The following NDUFB2 variants were observed in gnomAD, a reference collection of about 807,000 sequenced individuals.
NDUFB2 encodes the protein NADH:ubiquinone oxidoreductase subunit B2.
Under a neutral mutation model 13.4 loss-of-function variants are expected in NDUFB2, and 13 were observed. That is an observed-to-expected ratio of 0.97 (90% CI 0.63 to 1.54). The LOEUF is 1.54. Ranked by LOEUF, NDUFB2 falls within the 40% of genes most tolerant of loss-of-function variation. The probability of loss-of-function intolerance (pLI) is 0.00; values close to 1 mark genes in which losing one functional copy is unlikely to be tolerated. For missense variants in NDUFB2, 150 were observed against 139.7 expected (o/e 1.07, Z -0.37); for synonymous variants, 47 against 50.6 (o/e 0.93, Z 0.30).
At chr7:140,703,120 T>C in intron 2 of NDUFB2, 110 bp downstream of exon 2, 20 of 1,336,918 alleles carry the variant, frequency 1.5e-5, no homozygotes, top group Non-Finnish European at 2.1e-5. Context: ...GACATCGCCC[T>C]TTGCCACCAC....
chr7:140,701,660 A>G (rs2968549), intron 1 of NDUFB2, among the ~76,000 whole-genome samples: 45,733 of 152,026 alleles, frequency 0.3, 10,771 homozygotes, highest in African/African-American at 0.66. Context: ...ACAGCCGGGC[A>G]CGTGGCTCAC....
At chr7:140,699,701 T>G (rs950718146) in intron 1 of NDUFB2, among the ~76,000 whole-genome samples, 3 of 151,786 alleles carry the variant, frequency 2.0e-5, no homozygotes, top group Non-Finnish European at 4.4e-5. Context: ...GAAGGCAGCT[T>G]CAGTGATTGA....
Position 140,702,955 on chromosome 7 carries a change from G to A in NDUFB2, c.188G>A (p.Gly63Glu). 1 of 1,614,074 alleles carries A rather than the reference G, an allele frequency of 6.2e-7. No individual in the cohort carries two copies. The highest frequency in any genetic ancestry group is 8.5e-7 in the Non-Finnish European group (1 of 1,180,032). Residue 63 changes from glycine to glutamate, a missense_variant, in exon 2 of 4, where the codon GGA becomes GAA. Transcript: ENST00000247866. ...SQVFQSEFFS[G>E]LMWFWILWRF... ...GTGTTCCAGAGCGAGTTCTTCAGCGGACTCATGTGGTTCTGGATTCTCTGG... is the reference window on the plus strand; with the variant it reads ...GTGTTCCAGAGCGAGTTCTTCAGCGAACTCATGTGGTTCTGGATTCTCTGG...
At chr7:140,702,163 T>A (rs1001279069) in intron 1 of NDUFB2, 1 of 641,108 alleles carries the variant, frequency 1.6e-6, no homozygotes, top group African/African-American at 1.8e-5. Flanking sequence ...AAATTTTTTA[T>A]CCACTTCTGT....
At position 140,702,883 on chromosome 7, in the gene NDUFB2, A is replaced by G; in HGVS notation, c.116A>G (p.His39Arg). 1 of 1,614,114 alleles carries G rather than the reference A, an allele frequency of 6.2e-7. No individual in the cohort carries two copies. The highest frequency in any genetic ancestry group is 8.5e-7 in the Non-Finnish European group (1 of 1,180,030). Residue 39 changes from histidine to arginine, a missense_variant, in exon 2 of 4, where the codon CAC becomes CGC. Coordinates refer to ENST00000247866, the MANE Select transcript of NDUFB2 (RefSeq NM_004546.3). ...GGVRHAGGGVHIEPRYRQFPQ... is the reference protein window; with the variant it reads ...GGVRHAGGGVRIEPRYRQFPQ... ...TCTTGCAGTGCCGGTGGTGGTGTGC[A>G]CATTGAGCCCCGGTATAGACAGTTC... is the stretch of plus-strand genomic sequence containing the variant.
chr7:140,704,825 C>A, intron 2 of NDUFB2, 35 bp from the exon 3 acceptor site: 1 of 1,379,464 alleles, frequency 7.2e-7, no homozygotes, highest in Non-Finnish European at 9.9e-7. Context: ...AATGTAAATT[C>A]TTGACTTTTC....
intron 1 of NDUFB2, chr7:140,698,341 T>C: frequency 7.4e-7 from 1 of 1,343,538 alleles, no homozygotes; most frequent in East Asian, 4.6e-5. Context: ...TTATGGAGCA[T>C]CTTCTATATG....
rs757744035 is a variant in NDUFB2 at position 140,696,750 on chromosome 7, C to A, written c.6C>A (p.Ser2=). 2.5e-6 allele frequency: 4 copies of A among 1,594,514 alleles called. No individual in the cohort carries two copies. The African/African-American group carries it at 5.4e-5, about 21-fold the overall frequency. The change falls in exon 1 of 4, where the codon TCC becomes TCA. Residue 2 remains serine, a synonymous_variant. Transcript: ENST00000247866. M[S]ALTRLASFAR... is the part of the protein sequence containing the mutation. Reference sequence around the variant, plus strand: ...CGGGGCGGACGGGAGCGAGTATGTCCGCTCTGACTCGGCTGGCGTCTTTCG... The same window carrying A: ...CGGGGCGGACGGGAGCGAGTATGTCAGCTCTGACTCGGCTGGCGTCTTTCG...
At chr7:140,704,316 G>T (rs962970554) in intron 2 of NDUFB2, among the ~76,000 whole-genome samples, 12 of 152,170 alleles carry the variant, frequency 7.9e-5, no homozygotes, top group African/African-American at 2.9e-4. Context: ...GTAAGGAGCT[G>T]CCTGGGTGTC....
chr7:140,703,432 G>A (rs563912536), intron 2 of NDUFB2, among the ~76,000 whole-genome samples: 4 of 151,760 alleles, frequency 2.6e-5, no homozygotes, highest in East Asian at 1.9e-4. Context: ...GCACCCCCAC[G>A]CCGGCTAATT....
intron 1 of NDUFB2, chr7:140,697,540 G>T: frequency 1.6e-6 from 1 of 621,326 alleles, no homozygotes; most frequent in Non-Finnish European, 2.9e-6. Flanking sequence ...GCGAGGTAGG[G>T]AGCAGCTGCC....
At chr7:140,697,985 AC>A in intron 1 of NDUFB2, 1 of 1,287,410 alleles carries the variant, frequency 7.8e-7, no homozygotes, top group African/African-American at 1.5e-5. Flanking sequence ...CAGGCGAGCC[AC>A]TGCGCTTGGT....
At chr7:140,696,927 G>A in intron 1 of NDUFB2, 85 bp downstream of exon 1, 1 of 1,251,928 alleles carries the variant, frequency 8.0e-7, no homozygotes, top group South Asian at 1.3e-5. Context: ...TGACTGGGGC[G>A]CCTGAAGAGG....
chr7:140,703,449 G>C (rs941125697), intron 2 of NDUFB2, among the ~76,000 whole-genome samples: 2 of 151,494 alleles, frequency 1.3e-5, no homozygotes, highest in South Asian at 4.2e-4. Context: ...AATTTTTTTT[G>C]TTGTTAGTAG....
chr7:140,706,060 T>TATGTTATGTTATGTTATGTTTTATG lies in NDUFB2; in HGVS notation c.*30-503_*30-502insATGTTATGTTATGTTATGTTTTATG, dbSNP rs1402496959. The TATGTTATGTTATGTTATGTTTTATG allele has an allele frequency of 7.4e-3, 930 of 124,994 alleles. 18 individuals are homozygous for TATGTTATGTTATGTTATGTTTTATG. The highest frequency in any genetic ancestry group is 0.031 in the African/African-American group (880 of 28,546). The allele number at this position is 124,994 out of a possible 1,614,324, so 7.7% of individuals were successfully genotyped here. On this transcript the variant is annotated intron_variant, in intron 3 of 3. Transcript: ENST00000247866. ...TATGTTATGTTATGTTATGTTATGT[T>TATGTTATGTTATGTTATGTTTTATG]TTATGTTATGTTATGTTATGTTATG... is the stretch of plus-strand genomic sequence containing the variant.
At position 140,702,626 on chromosome 7, in the gene NDUFB2, G is replaced by C. The variant is rs144928397; in HGVS notation, c.99-240G>C. 4.4e-3 allele frequency: 1,916 copies of C among 439,764 alleles called. 35 individuals are homozygous for C. Among genetic ancestry groups the C allele is most frequent in the African/African-American group, 0.033 (1,691 of 50,482 alleles). The allele number at this position is 439,764 out of a possible 1,614,324, so 27.2% of individuals were successfully genotyped here. A position where few individuals can be genotyped will look rare whatever the true frequency, so the allele number is the denominator to read the frequency against. The stretch of plus-strand genomic sequence containing the variant: ...ATTCAAATTTCTAGTGCAAAATAAT[G>C]AATCTTCACTAATTGAAAACCAAAA... On this transcript the variant is annotated intron_variant, in intron 1 of 3. Coordinates refer to ENST00000247866, the MANE Select transcript of NDUFB2 (RefSeq NM_004546.3).
chr7:140,706,055 TATGTTTTATG>T (rs1279563847), intron 3 of NDUFB2: 75 of 145,358 alleles, frequency 5.2e-4, no homozygotes, highest in South Asian at 1.3e-3. Flanking sequence ...TATGTTATGT[TATGTTTTATG>T]TTATGTTATG....
intron 2 of NDUFB2, among the ~76,000 whole-genome samples, chr7:140,703,409 G>C (rs993073899): frequency 1.3e-5 from 2 of 151,538 alleles, no homozygotes; most frequent in Non-Finnish European, 1.5e-5. Flanking sequence ...TGAGTAGCTG[G>C]GACTACAGGT....
chr7:140,705,077 T>G (rs1794947314), intron 3 of NDUFB2, 114 bp downstream of exon 3: 1 of 515,226 alleles, frequency 1.9e-6, no homozygotes, highest in Admixed American at 4.0e-5. Flanking sequence ...AGCATGAAGT[T>G]GAGTTAACCA....
Sources: allele counts gnomAD v4.1 joint callset (sites outside exome capture counted in the v4.1 genomes callset), GRCh38; gene constraint gnomAD v4.1.1; transcripts MANE v1.5; gene names NCBI Gene and HGNC (gene_info 2026-07-23, HGNC 2026-07-21).